TOPORS: variants seen among roughly 807,000 people sequenced by gnomAD.
TOPORS encodes E3 ubiquitin-protein ligase Topors.
In TOPORS, 25 loss-of-function variants were observed where a neutral mutation model predicts 81.4. That is an observed-to-expected ratio of 0.31 (90% CI 0.22 to 0.43). TOPORS has a LOEUF of 0.43. Ranked by LOEUF, TOPORS falls within the 20% of genes least tolerant of loss-of-function variation. The probability of loss-of-function intolerance (pLI) is 1.00; values close to 1 mark genes in which losing one functional copy is unlikely to be tolerated. For synonymous variants in TOPORS, 473 were observed against 456.6 expected (o/e 1.04, Z -0.46); for missense variants, 1,101 against 1,267.0 (o/e 0.87, Z 1.99).
chr9:32,551,177 G>C (rs1821247505), intron 1 of TOPORS: 3 of 639,128 alleles, frequency 4.7e-6, no homozygotes, highest in Non-Finnish European at 5.6e-6. Flanking sequence ...AGGGCAGCGC[G>C]ACCCTCCCCA....
chr9:32,550,721 A>C, intron 2 of TOPORS, 53 bp downstream of exon 2: 1 of 1,597,392 alleles, frequency 6.3e-7, no homozygotes, highest in Non-Finnish European at 8.6e-7. Context: ...CGGGAGCGCC[A>C]ACTCCCACGG....
chr9:32,542,789 C>A lies in TOPORS; in HGVS notation c.1736G>T (p.Arg579Ile). The change falls in exon 3 of 3, where the codon AGA becomes ATA. Residue 579 changes from arginine (R) to isoleucine (I), a missense_variant. Physicochemically the swap from Arg to Ile is moderately conservative, Grantham distance 97. This residue lies in a region of TOPORS where 605 missense variants were observed against 636.1 expected (regional missense o/e 0.95). Coordinates refer to ENST00000360538, the MANE Select transcript of TOPORS (RefSeq NM_005802.5). ...ATATGGAGAATATACTCTGTCTCCTCTTACAGATGAGTTCAGGTTTCTGGG... is the reference window on the plus strand; with the variant it reads ...ATATGGAGAATATACTCTGTCTCCTATTACAGATGAGTTCAGGTTTCTGGG... ...SSPRNLNSSV[R>I]GDRVYSPYNH... is the part of the protein sequence containing the mutation. The A allele has an allele frequency of 6.2e-7, 1 of 1,614,040 alleles. No individual in the cohort carries two copies. Among genetic ancestry groups the A allele is most frequent in the Non-Finnish European group, 8.5e-7 (1 of 1,180,026 alleles).
intron 1 of TOPORS, chr9:32,551,453 G>A (rs1236703115): frequency 7.1e-6 from 2 of 281,828 alleles, no homozygotes; most frequent in Non-Finnish European, 1.4e-5. Flanking sequence ...AGTCTTCAGA[G>A]AGGGATCCCC....
At chr9:32,548,388 G>A (rs1388688240) in intron 2 of TOPORS, among the ~76,000 whole-genome samples, 1 of 151,762 alleles carries the variant, frequency 6.6e-6, no homozygotes, top group African/African-American at 2.4e-5. Flanking sequence ...GCCGGGCGTG[G>A]TGGCGCATGC....
In TOPORS at chr9:32,550,905, G is replaced by A. The variant is rs780800052; in HGVS notation, c.67C>T (p.Pro23Ser). Residue 23 changes from proline (P) to serine (S), a missense_variant, in exon 2 of 3, where the codon CCC (proline) becomes TCC (serine). Transcript: ENST00000360538. ...CTTCTCCGCCTACCCTCCGAAGCGG[G>A]AGCAGGCGGGGGCGCTTCACCCTCC... ...REEGEAPPPA[P>S]ASEGRRRSRR... is the part of the protein sequence containing the mutation. 3.7e-6 allele frequency: 6 copies of A among 1,612,864 alleles called. No homozygotes were observed. In the Admixed American group the frequency reaches 6.7e-5, roughly 18 times the overall value.
At chr9:32,548,867 T>C (rs909254349) in intron 2 of TOPORS, among the ~76,000 whole-genome samples, 11 of 152,154 alleles carry the variant, frequency 7.2e-5, no homozygotes, top group Non-Finnish European at 1.5e-4. Flanking sequence ...AGCTAATTAA[T>C]ATGGACACAC....
chr9:32,551,175 G>A, intron 1 of TOPORS: 1 of 642,938 alleles, frequency 1.6e-6, no homozygotes, highest in Non-Finnish European at 2.8e-6. Flanking sequence ...GGAGGGCAGC[G>A]CGACCCTCCC....
chr9:32,547,096 C>T (rs1821150157), intron 2 of TOPORS, among the ~76,000 whole-genome samples: 1 of 152,142 alleles, frequency 6.6e-6, no homozygotes, highest in Non-Finnish European at 1.5e-5. Flanking sequence ...AGGCGGGGCA[C>T]GGTGGCTCAC....
intron 2 of TOPORS, among the ~76,000 whole-genome samples, chr9:32,549,129 G>A (rs1359933361): frequency 6.6e-6 from 1 of 152,006 alleles, no homozygotes; most frequent in Non-Finnish European, 1.5e-5. Flanking sequence ...CTAACACGGT[G>A]AAACCGTCTC....
chr9:32,550,784 G>A lies in TOPORS; in HGVS notation c.188C>T (p.Ala63Val), dbSNP rs1821227234. 6.2e-7 allele frequency: 1 copy of A among 1,612,746 alleles called. No individual in the cohort carries two copies. The highest frequency in any genetic ancestry group is 2.2e-5 in the East Asian group (1 of 44,868). The change falls in exon 2 of 3, where the codon GCA (alanine) becomes GTA (valine). Residue 63 changes from alanine (A) to valine (V), a missense_variant. Ala to Val is a moderately conservative substitution (Grantham distance 64, BLOSUM62 0). This residue lies in a region of TOPORS where 131 missense variants were observed against 101.0 expected (regional missense o/e 1.30). Coordinates refer to ENST00000360538, the MANE Select transcript of TOPORS (RefSeq NM_005802.5). ...AASAPARPAPASSEIMASAAK... is the reference protein window; with the variant it reads ...AASAPARPAPVSSEIMASAAK... ...CCGAATCTCACTCACCTCGGAGGAT[G>A]CCGGCGCAGGCCTGGCTGGGGCGCT...
chr9:32,550,542 A>G (rs1212492072), intron 2 of TOPORS, among the ~76,000 whole-genome samples: 2 of 152,176 alleles, frequency 1.3e-5, no homozygotes, highest in Admixed American at 1.3e-4. Flanking sequence ...GTACACGGCC[A>G]GGCTCGCGCC....
chr9:32,546,220 C>G (rs1040337776), intron 2 of TOPORS, among the ~76,000 whole-genome samples: 1 of 152,190 alleles, frequency 6.6e-6, no homozygotes, highest in Non-Finnish European at 1.5e-5. Context: ...CATAAACAGT[C>G]TAAAACCCTA....
chr9:32,549,646 T>C (rs1056878868), intron 2 of TOPORS, among the ~76,000 whole-genome samples: 50 of 152,286 alleles, frequency 3.3e-4, no homozygotes, highest in African/African-American at 1.2e-3. Flanking sequence ...CCATAACTGA[T>C]TATATGGGTC....
In TOPORS at chr9:32,542,005, A is replaced by T; in HGVS notation, c.2520T>A (p.Ser840Arg). 2 of 1,613,416 alleles carry T rather than the reference A, an allele frequency of 1.2e-6. No homozygotes were observed. The highest frequency in any genetic ancestry group is 1.7e-6 in the Non-Finnish European group (2 of 1,179,900). ...ATGATCGGCTGTCTGAAAAGGTATC[A>T]CTCTCATTTTTGTAGTTTCCATCCA... Reference protein sequence around the residue: ...SKLDGNYKNESDTFSDSRSSD... With the variant: ...SKLDGNYKNERDTFSDSRSSD... Residue 840 changes from serine to arginine, a missense_variant, in exon 3 of 3, where the codon AGT becomes AGA. Transcript: ENST00000360538.
At position 32,542,179 on chromosome 9, in the gene TOPORS, G is replaced by A. The variant is rs777159758; in HGVS notation, c.2346C>T (p.Thr782=). 54 of 1,614,062 alleles carry A rather than the reference G, an allele frequency of 3.3e-5. No individual in the cohort carries two copies. Among genetic ancestry groups the A allele is most frequent in the Admixed American group, 1.8e-4 (11 of 60,006 alleles). ...LSSNRSRTAS[T]GTDRVRNEKP... Reference sequence around the variant, plus strand: ...TTTCATTTCTCACCCGGTCAGTCCCGGTAGATGCAGTCCTTGATCTGTTAC... The same window carrying A: ...TTTCATTTCTCACCCGGTCAGTCCCAGTAGATGCAGTCCTTGATCTGTTAC... The change falls in exon 3 of 3, where the codon ACC becomes ACT. Residue 782 remains threonine (T), a synonymous_variant. Coordinates refer to ENST00000360538, the MANE Select transcript of TOPORS (RefSeq NM_005802.5).
At chr9:32,544,962 A>C in intron 2 of TOPORS, among the ~76,000 whole-genome samples, 1 of 152,240 alleles carries the variant, frequency 6.6e-6, no homozygotes. Context: ...TACTTTTCTA[A>C]AACAACTTTG....
chr9:32,551,033 C>T, intron 1 of TOPORS, 65 bp from the exon 2 acceptor site: 1 of 1,560,298 alleles, frequency 6.4e-7, no homozygotes, highest in Non-Finnish European at 8.7e-7. Context: ...AGACCCACCC[C>T]CCAGCTCCCG....
Position 32,541,367 on chromosome 9 carries a change from A to C in TOPORS, c.*20T>G. 1.2e-6 allele frequency: 2 copies of C among 1,612,864 alleles called. No homozygotes were observed. The highest frequency in any genetic ancestry group is 2.2e-5 in the South Asian group (2 of 91,008). ...TCCTTTTTATAACATCATAATTCTC[A>C]ATGAAATGCTTTGGCAGTTTTAAGA... On this transcript the variant is annotated 3_prime_UTR_variant, in exon 3 of 3. Coordinates refer to ENST00000360538, the MANE Select transcript of TOPORS (RefSeq NM_005802.5).
intron 2 of TOPORS, among the ~76,000 whole-genome samples, chr9:32,548,770 T>C (rs1821177075): frequency 6.6e-6 from 1 of 152,148 alleles, no homozygotes; most frequent in Non-Finnish European, 1.5e-5. Flanking sequence ...CCATCTTTAG[T>C]ATAAACTGAT....
Sources: gnomAD v4.1 joint callset for allele counts (sites outside exome capture counted in the v4.1 genomes callset) on GRCh38, gnomAD v4.1.1 for gene constraint, gnomAD v4.1.1 regional missense constraint, MANE v1.5 for transcripts, NCBI Gene and HGNC (gene_info 2026-07-23, HGNC 2026-07-21) for gene names.